CTNNA2: variants seen among roughly 807,000 people sequenced by gnomAD.
CTNNA2 encodes catenin alpha 2.
Under a neutral mutation model 101.0 loss-of-function variants are expected in CTNNA2, and 42 were observed. The observed-to-expected ratio is 0.42, with a 90% CI of 0.32 to 0.54. CTNNA2 has a LOEUF of 0.54. CTNNA2 is among the 20% of genes least tolerant of loss of function. CTNNA2 has a pLI of 0.14. For missense variants in CTNNA2, 871 were observed against 1,223.1 expected, an observed-to-expected ratio of 0.71 and a Z score of 4.29; for synonymous variants, 450 against 456.4, an observed-to-expected ratio of 0.99 and a Z score of 0.18.
At chr2:79,712,655 G>GA (rs1008898876) in intron 2 of CTNNA2, among the ~76,000 whole-genome samples, 32 of 151,704 alleles carry the variant, frequency 2.1e-4, no homozygotes, top group African/African-American at 7.3e-4. Context: ...GCAGAAATCA[G>GA]AAAAAAAATT....
At chr2:79,680,796 G>A (rs1683511688) in intron 2 of CTNNA2, among the ~76,000 whole-genome samples, 2 of 152,172 alleles carry the variant, frequency 1.3e-5, no homozygotes, top group Admixed American at 6.5e-5. Context: ...GCTAGTGCCA[G>A]GGAATCATTG....
intron 7 of CTNNA2, among the ~76,000 whole-genome samples, chr2:80,291,954 T>C (rs1374752114): frequency 6.6e-6 from 1 of 152,192 alleles, no homozygotes; most frequent in African/African-American, 2.4e-5. Flanking sequence ...GTTAGAAAGC[T>C]GGGAAGGAAG....
rs574382548 is a variant in CTNNA2, at chr2:80,318,208, A to T, written c.1057-75003A>T. ...GAAGAGTTCACTCACTAGTAGGAGAATCATACTCCCAGAAGTCCATATTAA... is the reference window on the plus strand; with the variant it reads ...GAAGAGTTCACTCACTAGTAGGAGATTCATACTCCCAGAAGTCCATATTAA... On this transcript the variant is annotated intron_variant, in intron 7 of 18. Coordinates refer to ENST00000402739, the MANE Select transcript of CTNNA2 (RefSeq NM_001282597.3). 1.3e-5 allele frequency among the ~76,000 whole-genome samples: 2 copies of T among 152,196 alleles called. 1 individual carries two copies. The highest frequency in any genetic ancestry group is 1.3e-4 in the Admixed American group (2 of 15,266).
intron 7 of CTNNA2, among the ~76,000 whole-genome samples, chr2:79,994,345 CAT>C (rs1437761095): frequency 1.3e-5 from 2 of 152,214 alleles, no homozygotes; most frequent in Non-Finnish European, 2.9e-5. Context: ...CGAGTTGCGA[CAT>C]AGTCAAATAA....
At chr2:79,286,062 G>T (rs1675568184) in intron 2 of CTNNA2, among the ~76,000 whole-genome samples, 1 of 151,324 alleles carries the variant, frequency 6.6e-6, no homozygotes, top group Non-Finnish European at 1.5e-5. Context: ...TTTTATCAGA[G>T]ACTAGGATTG....
intron 2 of CTNNA2, among the ~76,000 whole-genome samples, chr2:79,267,825 G>T (rs574551940): frequency 6.6e-6 from 1 of 152,162 alleles, no homozygotes; most frequent in Non-Finnish European, 1.5e-5. Flanking sequence ...AAAGCCCCTG[G>T]AGATAATCCT....
intron 7 of CTNNA2, chr2:80,298,246 T>G (rs1224095057): frequency 6.6e-6 from 1 of 152,188 alleles, no homozygotes; most frequent in Non-Finnish European, 1.5e-5. Flanking sequence ...TCTAGCTAAT[T>G]CCTTTTTATT....
chr2:80,613,709 T>G (rs1698639363), intron 17 of CTNNA2, among the ~76,000 whole-genome samples: 1 of 151,516 alleles, frequency 6.6e-6, no homozygotes, highest in African/African-American at 2.4e-5. Flanking sequence ...GGAAATACTA[T>G]GTTCCAATAT....
rs1032441060 is a variant in CTNNA2, at chr2:80,303,575, G to A, written c.1057-89636G>A. On this transcript the variant is annotated intron_variant, in intron 7 of 18. Transcript: ENST00000402739. This position sits in a 1 kb window ranked among gnomAD's most constrained non-coding sequence, Gnocchi z 7.7. ...CTGCATTAACCCCGTGAACTGGCCGGCGCGCAGCTCCGAGAGGCTGTTGTA... is the reference window on the plus strand; with the variant it reads ...CTGCATTAACCCCGTGAACTGGCCGACGCGCAGCTCCGAGAGGCTGTTGTA... The A allele has an allele frequency of 2.4e-5, 39 of 1,614,118 alleles. No individual in the cohort carries two copies. Among genetic ancestry groups the A allele is most frequent in the Admixed American group, 3.3e-5 (2 of 60,016 alleles).
chr2:79,499,148 T>C (rs1671290563), intron 4 of CTNNA2: 2 of 152,206 alleles, frequency 1.3e-5, no homozygotes, highest in African/African-American at 4.8e-5. Context: ...AACTTCCTAG[T>C]TTAAGAGGAA....
chr2:79,875,827 C>A (rs956940235), intron 6 of CTNNA2, among the ~76,000 whole-genome samples: 2 of 151,616 alleles, frequency 1.3e-5, no homozygotes, highest in Admixed American at 1.3e-4. Context: ...AAAATTGCAG[C>A]GAGCAACTGA....
At chr2:80,465,348 A>G (rs1161621026) in intron 9 of CTNNA2, among the ~76,000 whole-genome samples, 1 of 152,218 alleles carries the variant, frequency 6.6e-6, no homozygotes, top group Non-Finnish European at 1.5e-5. Context: ...CCATTGTCCA[A>G]GCTTAATGAC....
chr2:79,861,986 C>A (rs72916700), intron 4 of CTNNA2, among the ~76,000 whole-genome samples: 1 of 152,082 alleles, frequency 6.6e-6, no homozygotes, highest in South Asian at 2.1e-4. Context: ...ATGTGGCATC[C>A]GGAATTTTAA....
chr2:79,722,925 T>C (rs74636843), intron 2 of CTNNA2, among the ~76,000 whole-genome samples: 13,898 of 152,222 alleles, frequency 0.091, 761 homozygotes, highest in African/African-American at 0.16. Flanking sequence ...TTTAGGATCT[T>C]TAGCATTTCT....
intron 5 of CTNNA2, 36 bp downstream of exon 5, chr2:79,869,971 G>T: frequency 6.2e-7 from 1 of 1,608,218 alleles, no homozygotes; most frequent in Non-Finnish European, 8.5e-7. Flanking sequence ...GGGAGAAAAT[G>T]GGTGAGTTTA....
At chr2:79,441,502 C>T (rs182455174) in intron 4 of CTNNA2, among the ~76,000 whole-genome samples, 95 of 152,218 alleles carry the variant, frequency 6.2e-4, no homozygotes, top group Admixed American at 1.0e-3. Context: ...ACCTGGGAAA[C>T]ATTTTCTGAT....
intron 2 of CTNNA2, among the ~76,000 whole-genome samples, chr2:79,277,435 T>C (rs1345493836): frequency 6.6e-6 from 1 of 152,006 alleles, no homozygotes; most frequent in Non-Finnish European, 1.5e-5. Flanking sequence ...ATGATAATTA[T>C]GGCAGGAGGT....
intron 1 of CTNNA2, among the ~76,000 whole-genome samples, chr2:79,629,149 A>G (rs1389603638): frequency 6.6e-6 from 1 of 152,172 alleles, no homozygotes; most frequent in East Asian, 1.9e-4. Flanking sequence ...GTGGTTTCCC[A>G]AATATTGTGA....
intron 9 of CTNNA2, among the ~76,000 whole-genome samples, chr2:80,544,644 G>A (rs188943131): frequency 6.6e-5 from 10 of 152,154 alleles, no homozygotes; most frequent in East Asian, 1.9e-4. Context: ...TGATATGGCC[G>A]AGATCACAGG....
Sources: gnomAD v4.1 joint callset for allele counts (sites outside exome capture counted in the v4.1 genomes callset) on GRCh38, gnomAD v4.1.1 for gene constraint, Gnocchi (gnomAD v3.1) non-coding constraint, MANE v1.5 for transcripts, NCBI Gene and HGNC (gene_info 2026-07-23, HGNC 2026-07-21) for gene names.